Variants in VEZT observed in about 807,000 individuals in gnomAD.
VEZT encodes vezatin.
In VEZT, 39 loss-of-function variants were observed where a neutral mutation model predicts 79.9. The observed-to-expected ratio is 0.49, with a 90% CI of 0.38 to 0.64. The LOEUF is 0.64. Among genes scored for constraint, VEZT ranks in the 30% least tolerant of loss-of-function variants. VEZT has a pLI of 0.00. For synonymous variants in VEZT, 325 were observed against 327.6 expected (o/e 0.99, Z 0.09); for missense variants, 837 against 893.1 (o/e 0.94, Z 0.80).
intron 2 of VEZT, 75 bp downstream of exon 2, chr12:95,252,146 G>A: frequency 6.8e-7 from 1 of 1,478,064 alleles, no homozygotes; most frequent in Non-Finnish European, 9.1e-7. Flanking sequence ...TACTTCTTAA[G>A]CACTTCCATA....
chr12:95,283,706 GGGCTTGATATAA>G (rs1196259986), intron 8 of VEZT, among the ~76,000 whole-genome samples: 3 of 152,148 alleles, frequency 2.0e-5, no homozygotes, highest in Non-Finnish European at 2.9e-5. Flanking sequence ...GGCCTGAGTT[GGGCTTGATATAA>G]GGCTTGATAT....
In VEZT at chr12:95,262,920, A is replaced by G. The variant is rs763743715; in HGVS notation, c.273A>G (p.Arg91=). ...TTAATGGCAAGGATATTGGATTCCG[A>G]CTCGACTCATTACATACCATCCTGC... ...DLLHKLDIGF[R]LDSLHTILQQ... Residue 91 remains arginine (R), a synonymous_variant, in exon 4 of 12, where the codon CGA becomes CGG. Coordinates refer to ENST00000436874, the MANE Select transcript of VEZT (RefSeq NM_017599.4). The G allele has an allele frequency of 6.3e-7, 1 of 1,594,586 alleles. No individual in the cohort carries two copies. The highest frequency in any genetic ancestry group is 8.6e-7 in the Non-Finnish European group (1 of 1,166,484).
Position 95,300,752 on chromosome 12 carries a change from G to T in VEZT, c.*79G>T. ...AGCTTCAAGACTGGAAAGGGAATAT[G>T]AGTGTAAGTTTACTATATATAAAGC... On this transcript the variant is annotated 3_prime_UTR_variant, in exon 12 of 12. Coordinates refer to ENST00000436874, the MANE Select transcript of VEZT (RefSeq NM_017599.4). 1 of 1,442,650 alleles carries T rather than the reference G, an allele frequency of 6.9e-7. No individual in the cohort carries two copies. The highest frequency in any genetic ancestry group is 9.1e-7 in the Non-Finnish European group (1 of 1,102,764). 89.4% of individuals were successfully genotyped at this position (1,442,650 alleles called of 1,614,324 possible). A position where few individuals can be genotyped will look rare whatever the true frequency, so the allele number is the denominator to read the frequency against.
intron 1 of VEZT, among the ~76,000 whole-genome samples, chr12:95,222,345 A>G (rs574852535): frequency 7.2e-5 from 11 of 151,788 alleles, no homozygotes; most frequent in Non-Finnish European, 1.6e-4. Flanking sequence ...GAAGATCAAC[A>G]TTTTTTTTTC....
intron 7 of VEZT, among the ~76,000 whole-genome samples, chr12:95,281,909 C>A (rs929137712): frequency 1.3e-5 from 2 of 151,788 alleles, no homozygotes; most frequent in African/African-American, 4.8e-5. Context: ...AGCTTTTGAT[C>A]CATGTGACTC....
In VEZT at chr12:95,257,217, A is replaced by G; in HGVS notation, c.236A>G (p.Lys79Arg). The stretch of plus-strand genomic sequence containing the variant: ...ATTTTTTTTTCTCAGTGCAATAAGA[A>G]AGATGACTTACTTCACAAGTTGGTA... ...SWIFFSQCNK[K>R]DDLLHKLDIG... is the part of the protein sequence containing the mutation. Residue 79 changes from lysine (K) to arginine (R), a missense_variant, in exon 3 of 12, where the codon AAA becomes AGA. Transcript: ENST00000436874. The G allele has an allele frequency of 6.2e-7, 1 of 1,610,222 alleles. No individual in the cohort carries two copies. Among genetic ancestry groups the G allele is most frequent in the Non-Finnish European group, 8.5e-7 (1 of 1,178,246 alleles).
chr12:95,260,746 T>C (rs1326952612), intron 3 of VEZT, among the ~76,000 whole-genome samples: 1 of 152,232 alleles, frequency 6.6e-6, no homozygotes, highest in Non-Finnish European at 1.5e-5. Context: ...TGGCTGTGTC[T>C]AATTGGGGAA....
At position 95,270,189 on chromosome 12, in the gene VEZT, AT is replaced by A; in HGVS notation, c.848+2del. On this transcript the variant is annotated splice_donor_variant, in intron 6 of 11. Transcript: ENST00000436874. LOFTEE classifies it high-confidence loss of function. ...TAGCTACCCTATATATGCTGAAAAA[AT>A]ATCCTTTTCTGTTTATATATGAAAC... is the stretch of plus-strand genomic sequence containing the variant. The A allele has an allele frequency of 6.3e-7, 1 of 1,596,860 alleles. No individual in the cohort carries two copies. Among genetic ancestry groups the A allele is most frequent in the Non-Finnish European group, 8.5e-7 (1 of 1,172,234 alleles).
intron 1 of VEZT, among the ~76,000 whole-genome samples, chr12:95,240,554 T>G (rs2060877203): frequency 6.6e-6 from 1 of 152,200 alleles, no homozygotes; most frequent in Non-Finnish European, 1.5e-5. Flanking sequence ...TTAGCCTATT[T>G]AAAGGTTCAT....
At chr12:95,280,026 A>G (rs1366767152) in intron 7 of VEZT, among the ~76,000 whole-genome samples, 1 of 152,250 alleles carries the variant, frequency 6.6e-6, no homozygotes, top group East Asian at 1.9e-4. Flanking sequence ...CTGCTTTCAC[A>G]ATGTATCCAG....
chr12:95,239,582 T>C (rs2060612113), intron 1 of VEZT, among the ~76,000 whole-genome samples: 1 of 152,184 alleles, frequency 6.6e-6, no homozygotes, highest in Admixed American at 6.5e-5. Flanking sequence ...TCAGCTCTTC[T>C]GATAAAGGGA....
Position 95,266,524 on chromosome 12 carries a change from G to T in VEZT, c.602G>T (p.Ser201Ile), listed in dbSNP as rs1191403664. The change falls in exon 5 of 12, where the codon AGC becomes ATC. Residue 201 changes from serine (S) to isoleucine (I), a missense_variant. Physicochemically the swap from Ser to Ile is moderately radical, Grantham distance 142. Coordinates refer to ENST00000436874, the MANE Select transcript of VEZT (RefSeq NM_017599.4). ...CTACAAGTGACCCTAAAAAAATACA[G>T]CGTTCATTTGGAAGATATGGCCACA... ...AKLQVTLKKY[S>I]VHLEDMATNS... 1 of 1,613,860 alleles carries T rather than the reference G, an allele frequency of 6.2e-7. No homozygotes were observed. Among genetic ancestry groups the T allele is most frequent in the South Asian group, 1.1e-5 (1 of 91,074 alleles).
intron 1 of VEZT, among the ~76,000 whole-genome samples, chr12:95,219,240 A>G (rs1217042663): frequency 6.6e-6 from 1 of 152,092 alleles, no homozygotes; most frequent in African/African-American, 2.4e-5. Context: ...ATTATTTTTG[A>G]TTTCTGAATA....
At chr12:95,252,095 C>A in intron 2 of VEZT, 24 bp downstream of exon 2, 1 of 1,593,744 alleles carries the variant, frequency 6.3e-7, no homozygotes, top group Non-Finnish European at 8.5e-7. Context: ...CTCATTCTTT[C>A]TGGCCGAATC....
chr12:95,239,625 T>C (rs1030113845), intron 1 of VEZT, among the ~76,000 whole-genome samples: 6 of 152,048 alleles, frequency 3.9e-5, no homozygotes, highest in Non-Finnish European at 8.8e-5. Context: ...TCAGGGCTAG[T>C]GTGAAGAGCT....
At chr12:95,296,989 A>T (rs1405462556) in intron 11 of VEZT, 8 of 152,240 alleles carry the variant, frequency 5.3e-5, no homozygotes, top group Admixed American at 3.9e-4. Context: ...AAGGAATTAA[A>T]ACCTAGACCA....
At chr12:95,286,575 T>C in intron 8 of VEZT, 1 of 478,178 alleles carries the variant, frequency 2.1e-6, no homozygotes, top group Non-Finnish European at 4.1e-6. Flanking sequence ...AAAGGTTTTC[T>C]TTTTGTACCA....
intron 5 of VEZT, among the ~76,000 whole-genome samples, chr12:95,268,920 G>A (rs935613595): frequency 1.3e-5 from 2 of 152,182 alleles, no homozygotes; most frequent in Non-Finnish European, 2.9e-5. Context: ...TTTTGTTTCT[G>A]ACTCAAATTG....
At chr12:95,275,112 G>T (rs1236067792) in intron 7 of VEZT, among the ~76,000 whole-genome samples, 1 of 152,174 alleles carries the variant, frequency 6.6e-6, no homozygotes, top group Non-Finnish European at 1.5e-5. Context: ...TACTTAAAAT[G>T]CTTAAAGAAA....
Sources: gnomAD v4.1 joint callset for allele counts (sites outside exome capture counted in the v4.1 genomes callset) on GRCh38, gnomAD v4.1.1 for gene constraint, MANE v1.5 for transcripts, NCBI Gene and HGNC (gene_info 2026-07-23, HGNC 2026-07-21) for gene names.